The following HECTD2 variants were observed in gnomAD, a reference collection of about 807,000 sequenced individuals.
The protein encoded by HECTD2 is probable E3 ubiquitin-protein ligase HECTD2.
In HECTD2, 35 loss-of-function variants were observed where a neutral mutation model predicts 103.2. The ratio of observed to expected loss-of-function variants is 0.34; its 90% CI spans 0.26 to 0.45. The LOEUF (loss-of-function observed/expected upper bound fraction) is 0.45. Among genes scored for constraint, HECTD2 ranks in the 20% least tolerant of loss-of-function variants. HECTD2 has a pLI of 1.00. For missense variants in HECTD2, 596 were observed against 937.4 expected, an observed-to-expected ratio of 0.64 and a Z score of 4.76; for synonymous variants, 281 against 329.9, an observed-to-expected ratio of 0.85 and a Z score of 1.61.
intron 9 of HECTD2, 142 bp from the exon 10 acceptor site, chr10:91,485,038 C>T: frequency 1.8e-6 from 1 of 549,380 alleles, no homozygotes; most frequent in Non-Finnish European, 3.0e-6. Context: ...TTAAATTACC[C>T]CTTTCATTTG....
chr10:91,449,276 C>T (rs1564711609), intron 2 of HECTD2, among the ~76,000 whole-genome samples: 1 of 152,124 alleles, frequency 6.6e-6, no homozygotes, highest in South Asian at 2.1e-4. Flanking sequence ...TCCATTTCAA[C>T]AGAACCAATG....
At chr10:91,427,026 G>C (rs1474656671) in intron 2 of HECTD2, among the ~76,000 whole-genome samples, 4 of 115,682 alleles carry the variant, frequency 3.5e-5, no homozygotes, top group African/African-American at 1.4e-4. Context: ...ACAGTCGCCA[G>C]AGTGTGATGT....
chr10:91,411,655 A>G lies in HECTD2; in HGVS notation c.138+1079A>G, dbSNP rs147887060. Among the ~76,000 whole-genome samples, 720 of 152,338 alleles carry G rather than the reference A, an allele frequency of 4.7e-3. 19 individuals are homozygous for G. The highest frequency in any genetic ancestry group is 0.044 in the Admixed American group (667 of 15,300). On this transcript the variant is annotated intron_variant, in intron 1 of 20. Transcript: ENST00000298068. ...TTTTCAAAAATGTCTGAGGGCCCTG[A>G]TAACTGGAAATTGTTAAAACAAGCT...
At chr10:91,496,542 A>T (rs980655614) in intron 15 of HECTD2, among the ~76,000 whole-genome samples, 170 bp downstream of exon 15, 4 of 152,186 alleles carry the variant, frequency 2.6e-5, no homozygotes, top group Admixed American at 2.0e-4. Flanking sequence ...GACACATGTC[A>T]CCCACTTTGC....
At chr10:91,511,775 AGCC>A (rs1847432356) in intron 20 of HECTD2, among the ~76,000 whole-genome samples, 1 of 152,158 alleles carries the variant, frequency 6.6e-6, no homozygotes, top group South Asian at 2.1e-4. Context: ...CCTGTTGTGC[AGCC>A]CAGTTCCTAA....
chr10:91,410,981 AT>A (rs1333851684), intron 1 of HECTD2, among the ~76,000 whole-genome samples: 1 of 151,958 alleles, frequency 6.6e-6, no homozygotes, highest in East Asian at 1.9e-4. Flanking sequence ...AGGCGCGCAG[AT>A]TTTTGTCCTT....
rs527498142 is a variant in HECTD2 at position 91,513,236 on chromosome 10, T to G, written c.*852T>G. On this transcript the variant is annotated 3_prime_UTR_variant, in exon 21 of 21. Coordinates refer to ENST00000298068, the MANE Select transcript of HECTD2 (RefSeq NM_182765.6). ...AAAGAAATCAGACCTAAATAATCAT[T>G]GATGAAGTATGTCAGTTACAAGCAC... 5 of 152,776 alleles carry G rather than the reference T, an allele frequency of 3.3e-5. No individual in the cohort carries two copies. The East Asian group carries it at 9.6e-4, about 29-fold the overall frequency. 9.5% of individuals were successfully genotyped at this position (152,776 alleles called of 1,614,324 possible).
chr10:91,420,592 G>GA (rs770680688), intron 1 of HECTD2, among the ~76,000 whole-genome samples: 7,288 of 105,008 alleles, frequency 0.069, 255 homozygotes, highest in Non-Finnish European at 0.11. Flanking sequence ...TATCTCAAAA[G>GA]AAAAAAAAAA....
chr10:91,468,939 C>CAAAAAAAAAAAAAAAA (rs375935105), intron 5 of HECTD2, among the ~76,000 whole-genome samples: 2 of 98,484 alleles, frequency 2.0e-5, no homozygotes. Context: ...CTGTCTCACT[C>CAAAAAAAAAAAAAAAA]AAAAAAAAAA....
At chr10:91,504,220 C>G (rs796068002) in intron 20 of HECTD2, among the ~76,000 whole-genome samples, 3 of 152,172 alleles carry the variant, frequency 2.0e-5, no homozygotes, top group Non-Finnish European at 4.4e-5. Context: ...ATCAGAGCGC[C>G]TCTCCTCCTC....
chr10:91,499,779 AG>A (rs1172417984), intron 18 of HECTD2, among the ~76,000 whole-genome samples: 1 of 152,142 alleles, frequency 6.6e-6, no homozygotes, highest in Non-Finnish European at 1.5e-5. Context: ...GAGGGATTGG[AG>A]TAAGATCTTT....
intron 2 of HECTD2, among the ~76,000 whole-genome samples, chr10:91,427,472 G>A (rs1328981763): frequency 6.6e-6 from 1 of 152,150 alleles, no homozygotes; most frequent in Non-Finnish European, 1.5e-5. Flanking sequence ...CACCAACAGT[G>A]TAAGAGTGTT....
At chr10:91,475,844 C>T (rs754263318) in intron 5 of HECTD2, among the ~76,000 whole-genome samples, 2 of 152,170 alleles carry the variant, frequency 1.3e-5, no homozygotes, top group African/African-American at 2.4e-5. Flanking sequence ...GGTGAGAGGG[C>T]TGCTTTACAG....
intron 6 of HECTD2, among the ~76,000 whole-genome samples, chr10:91,479,655 T>A (rs1380537793): frequency 6.6e-6 from 1 of 152,158 alleles, no homozygotes; most frequent in East Asian, 1.9e-4. Flanking sequence ...TACAAAAATC[T>A]TCTTTTCTGA....
At chr10:91,450,712 A>G (rs993367891) in intron 2 of HECTD2, among the ~76,000 whole-genome samples, 10 of 152,122 alleles carry the variant, frequency 6.6e-5, no homozygotes, top group Non-Finnish European at 1.5e-4. Context: ...TGGGCAAAGG[A>G]TATGAACAGA....
In HECTD2 at chr10:91,504,573, G is replaced by C. The variant is rs1309699427; in HGVS notation, c.2210+3239G>C. 3.3e-5 allele frequency among the ~76,000 whole-genome samples: 5 copies of C among 152,030 alleles called. No homozygotes were observed. In the East Asian group the frequency reaches 7.7e-4, roughly 23 times the overall value. On this transcript the variant is annotated intron_variant, in intron 20 of 20. Coordinates refer to ENST00000298068, the MANE Select transcript of HECTD2 (RefSeq NM_182765.6). ...GAAATGAAGCGAGAAGGAAAGTTTA[G>C]AGAAAAAAGAATAAAAAGAAACGAG...
In HECTD2 at chr10:91,431,445, A is replaced by C. The variant is rs565863065; in HGVS notation, c.268+6035A>C. ...TTGGCCTGCCTTGCTAGATTGGGGA[A>C]GTTCTCCTGGATAATATCCTGCAGA... On this transcript the variant is annotated intron_variant, in intron 2 of 20. Coordinates refer to ENST00000298068, the MANE Select transcript of HECTD2 (RefSeq NM_182765.6). 2.0e-5 allele frequency among the ~76,000 whole-genome samples: 3 copies of C among 152,266 alleles called. No homozygotes were observed. The South Asian group carries it at 6.2e-4, about 32-fold the overall frequency.
Position 91,458,757 on chromosome 10 carries a change from T to G in HECTD2, c.269-1670T>G, listed in dbSNP as rs143657644. On this transcript the variant is annotated intron_variant, in intron 2 of 20. Transcript: ENST00000298068. ...AATAAAGTTAAAATGGATAATGGAC[T>G]TAAATGTTAAATTATTGGACTTTTA... 2.1e-4 allele frequency among the ~76,000 whole-genome samples: 32 copies of G among 152,098 alleles called. No homozygotes were observed. The East Asian group carries it at 6.0e-3, about 28-fold the overall frequency.
chr10:91,454,251 C>G (rs1388093847), intron 2 of HECTD2, among the ~76,000 whole-genome samples: 2 of 152,094 alleles, frequency 1.3e-5, no homozygotes, highest in African/African-American at 4.8e-5. Flanking sequence ...GTGGGACATA[C>G]AGCAAAATGG....
Sources: gnomAD v4.1 joint callset for allele counts (sites outside exome capture counted in the v4.1 genomes callset) on GRCh38, gnomAD v4.1.1 for gene constraint, MANE v1.5 for transcripts, NCBI Gene and HGNC (gene_info 2026-07-23, HGNC 2026-07-21) for gene names.